AIM2: variants seen among roughly 807,000 people sequenced by gnomAD.
AIM2 encodes interferon-inducible protein AIM2.
Under a neutral mutation model 27.7 loss-of-function variants are expected in AIM2, and 30 were observed. That is an observed-to-expected ratio of 1.08 (90% CI 0.81 to 1.47). The LOEUF (loss-of-function observed/expected upper bound fraction) is 1.47. AIM2 is among the 40% of genes most tolerant of loss of function. The pLI is 0.00. For missense variants in AIM2, 358 were observed against 411.3 expected (o/e 0.87, Z 1.12); for synonymous variants, 141 against 145.3 (o/e 0.97, Z 0.21).
At chr1:159,135,729 C>A (rs574325760) in intron 1 of AIM2, among the ~76,000 whole-genome samples, 31 of 152,266 alleles carry the variant, frequency 2.0e-4, no homozygotes, top group African/African-American at 7.2e-4. Context: ...ATAGATGTAG[C>A]AAAGGAAGAC....
rs1403033766 is a variant in AIM2 at position 159,063,530 on chromosome 1, C to G, written c.961G>C (p.Gly321Arg). The G allele has an allele frequency of 6.2e-7, 1 of 1,613,932 alleles. No homozygotes were observed. Among genetic ancestry groups the G allele is most frequent in the East Asian group, 2.2e-5 (1 of 44,866 alleles). ...CCAGATGTCAGCTGTAGTTTTTCTC[C>G]ATTTTTTGACAGTGTGAAGAATGTA... ...RLTFFTLSKNGEKLQLTSGVH... is the reference protein window; with the variant it reads ...RLTFFTLSKNREKLQLTSGVH... The change falls in exon 5 of 6, where the codon GGA becomes CGA. Residue 321 changes from glycine (G) to arginine (R), a missense_variant. Gly to Arg is a moderately radical substitution (Grantham distance 125, BLOSUM62 -2). Coordinates refer to ENST00000368130, the MANE Select transcript of AIM2 (RefSeq NM_004833.3).
rs114666454 is a variant in AIM2, at chr1:159,086,719, C to T, written c.-15-20390G>A. Among the ~76,000 whole-genome samples the T allele has an allele frequency of 3.5e-3, 538 of 152,276 alleles. 1 individual carries two copies. Among genetic ancestry groups the T allele is most frequent in the Non-Finnish European group, 6.4e-3 (436 of 68,012 alleles). On this transcript the variant is annotated intron_variant, in intron 1 of 2. Transcript: ENST00000368129. ...CACTACACCCGTGCAAGTTAAAATCCCTGCTCCACCAACCTGTGTGGCCTT... is the reference window on the plus strand; with the variant it reads ...CACTACACCCGTGCAAGTTAAAATCTCTGCTCCACCAACCTGTGTGGCCTT...
At chr1:159,101,078 A>G (rs1657301897) in intron 1 of AIM2, among the ~76,000 whole-genome samples, 1 of 150,896 alleles carries the variant, frequency 6.6e-6, no homozygotes, top group Admixed American at 6.6e-5. Flanking sequence ...CTCATATGAT[A>G]TGGTTTGGCT....
chr1:159,066,025 T>C lies in AIM2; in HGVS notation c.701A>G (p.Gln234Arg). 6.2e-7 allele frequency: 1 copy of C among 1,614,228 alleles called. No homozygotes were observed. The stretch of plus-strand genomic sequence containing the variant: ...AATGTTCAGCGGGACATTAACCTTT[T>C]GGTCAGATTCAGCATCTAACACACG... ...ASRVLDAESDQKVNVPLNIIR... is the reference protein window; with the variant it reads ...ASRVLDAESDRKVNVPLNIIR... The change falls in exon 4 of 6, where the codon CAA becomes CGA. Residue 234 changes from glutamine (Q) to arginine (R), a missense_variant. By Grantham distance (43) the Gln-to-Arg change is conservative. Transcript: ENST00000368130.
intron 3 of AIM2, among the ~76,000 whole-genome samples, chr1:159,067,165 GT>G (rs1480438637): frequency 2.0e-5 from 3 of 152,130 alleles, no homozygotes; most frequent in Non-Finnish European, 2.9e-5. Context: ...TAAACAATCT[GT>G]TTCTTATTGG....
chr1:159,130,047 A>AG (rs1328574645), intron 1 of AIM2, among the ~76,000 whole-genome samples: 1 of 152,188 alleles, frequency 6.6e-6, no homozygotes, highest in African/African-American at 2.4e-5. Flanking sequence ...CAAATCCTAA[A>AG]GGAAACGTCG....
At chr1:159,146,368 C>T (rs994226448) in intron 1 of AIM2, among the ~76,000 whole-genome samples, 19 of 152,238 alleles carry the variant, frequency 1.2e-4, no homozygotes, top group African/African-American at 4.1e-4. Flanking sequence ...CCTGCTGTTT[C>T]TAACCCCAAG....
At chr1:159,081,766 C>T (rs186218910), upstream of AIM2, 8 of 191,020 alleles carry the variant, frequency 4.2e-5, no homozygotes, top group East Asian at 1.2e-3. Context: ...CAGACTCTTC[C>T]TGACACGTAA....
At chr1:159,105,264 G>A (rs1040150493) in intron 1 of AIM2, among the ~76,000 whole-genome samples, 27 of 152,210 alleles carry the variant, frequency 1.8e-4, no homozygotes, top group Admixed American at 5.2e-4. Context: ...TGCAACTGGC[G>A]TCTGGACAGG....
In AIM2 at chr1:159,116,097, G is replaced by A. The variant is rs1021371567; in HGVS notation, c.-16+24334C>T. Among the ~76,000 whole-genome samples the A allele has an allele frequency of 2.6e-3, 389 of 151,968 alleles. 4 individuals carry two copies. The highest frequency in any genetic ancestry group is 8.8e-3 in the African/African-American group (367 of 41,480). On this transcript the variant is annotated intron_variant, in intron 1 of 2. Transcript: ENST00000368129. ...ACATGAAAAAATGCTCATCATCACT[G>A]GCCATCAGAGAAATGCAAATCAAAA...
intron 1 of AIM2, among the ~76,000 whole-genome samples, chr1:159,089,825 C>T (rs1277062685): frequency 6.6e-6 from 1 of 152,190 alleles, no homozygotes; most frequent in African/African-American, 2.4e-5. Flanking sequence ...TCTGCCCTAC[C>T]TATTCTATCG....
At chr1:159,143,531 G>A (rs541811033), upstream of AIM2, among the ~76,000 whole-genome samples, 1 of 151,656 alleles carries the variant, frequency 6.6e-6, no homozygotes, top group South Asian at 2.1e-4. Flanking sequence ...TCCAGTGTAA[G>A]GGAAAGGAAA....
At chr1:159,072,574 T>C (rs1656407219) in intron 2 of AIM2, among the ~76,000 whole-genome samples, 2 of 152,180 alleles carry the variant, frequency 1.3e-5, no homozygotes, top group African/African-American at 2.4e-5. Context: ...TTAAACTAAA[T>C]GTAGATAATT....
intron 2 of AIM2, among the ~76,000 whole-genome samples, chr1:159,072,161 GT>G (rs1247006002): frequency 1.3e-5 from 2 of 152,236 alleles, no homozygotes; most frequent in Non-Finnish European, 2.9e-5. Context: ...GAAGTAACAT[GT>G]GTAGTTACTG....
chr1:159,056,078 A>C, the AIM2 span, among the ~76,000 whole-genome samples: 1 of 152,212 alleles, frequency 6.6e-6, no homozygotes, highest in Non-Finnish European at 1.5e-5. Flanking sequence ...GTTCAGCTAA[A>C]CATGGGAATC....
At chr1:159,072,629 T>C (rs1656409718) in intron 2 of AIM2, among the ~76,000 whole-genome samples, 1 of 152,188 alleles carries the variant, frequency 6.6e-6, no homozygotes, top group African/African-American at 2.4e-5. Flanking sequence ...AAAAAATCTT[T>C]GTGTTGTGGG....
chr1:159,082,499 CTCTT>C (rs1656801517), intron 1 of AIM2, among the ~76,000 whole-genome samples: 1 of 152,050 alleles, frequency 6.6e-6, no homozygotes, highest in Non-Finnish European at 1.5e-5. Context: ...TTTTCTTTCT[CTCTT>C]TCTTTTTTTT....
At chr1:159,073,650 G>T in intron 1 of AIM2, 131 bp from the exon 2 acceptor site, 1 of 898,704 alleles carries the variant, frequency 1.1e-6, no homozygotes, top group Non-Finnish European at 1.6e-6. Flanking sequence ...GATTTGAGTA[G>T]GACATAGGTA....
At chr1:159,125,735 G>T (rs543456889) in intron 1 of AIM2, among the ~76,000 whole-genome samples, 2 of 152,292 alleles carry the variant, frequency 1.3e-5, no homozygotes, top group East Asian at 3.9e-4. Context: ...TTTCTAATGT[G>T]AATGGTTCAT....
Sources: allele counts gnomAD v4.1 joint callset (sites outside exome capture counted in the v4.1 genomes callset), GRCh38; gene constraint gnomAD v4.1.1; transcripts MANE v1.5; gene names NCBI Gene and HGNC (gene_info 2026-07-23, HGNC 2026-07-21).